MCM9: variants seen among roughly 807,000 people sequenced by gnomAD.
The protein encoded by MCM9 is DNA helicase MCM9.
In MCM9, 55 loss-of-function variants were observed where a neutral mutation model predicts 72.8. That is an observed-to-expected ratio of 0.76 (90% confidence interval 0.61 to 0.95). The LOEUF (loss-of-function observed/expected upper bound fraction) is 0.95, where lower values mean the gene tolerates loss of function less well. Ranked by LOEUF, MCM9 falls within the 40% of genes least tolerant of loss-of-function variation. The pLI is 0.00. For missense variants in MCM9, 1,279 were observed against 1,377.0 expected (o/e 0.93, Z 1.13); for synonymous variants, 480 against 503.4 (o/e 0.95, Z 0.62).
rs891549366 is a variant in MCM9, at chr6:118,935,065, C to G, written c.-324G>C. The G allele has an allele frequency of 6.6e-6, 1 of 152,074 alleles. No homozygotes were observed. Among genetic ancestry groups the G allele is most frequent in the Non-Finnish European group, 1.5e-5 (1 of 67,998 alleles). 9.4% of individuals were successfully genotyped at this position (152,074 alleles called of 1,614,324 possible). ...GCGGGGACGCGCGGGCTGTGTCGGG[C>G]GGCCTAGCGCCTGCGGCTCTGCCGG... On this transcript the variant is annotated 5_prime_UTR_variant, in exon 1 of 14. Transcript: ENST00000619706.
At chr6:118,856,581 T>C (rs762011102) in intron 8 of MCM9, 36 bp from the exon 9 acceptor site, 40 of 1,533,326 alleles carry the variant, frequency 2.6e-5, no homozygotes, top group Non-Finnish European at 4.4e-6. Context: ...ACTTTTATTT[T>C]CAAAAGCATT....
chr6:118,922,955 C>G (rs1307574376), intron 4 of MCM9, among the ~76,000 whole-genome samples: 2 of 150,288 alleles, frequency 1.3e-5, no homozygotes, highest in African/African-American at 4.9e-5. Flanking sequence ...ATGCTTGAAC[C>G]CAGGAGGTAG....
chr6:118,817,534 A>G (rs1773490253), intron 13 of MCM9, among the ~76,000 whole-genome samples: 1 of 152,172 alleles, frequency 6.6e-6, no homozygotes, highest in Admixed American at 6.5e-5. Flanking sequence ...TATCCAGTGT[A>G]TCATTGATGG....
chr6:118,843,672 A>ATACG (rs1321655061), intron 9 of MCM9, among the ~76,000 whole-genome samples: 626 of 40,464 alleles, frequency 0.015, 24 homozygotes, highest in Non-Finnish European at 0.026. Flanking sequence ...ATATATATGT[A>ATACG]TGTATATATA....
At chr6:118,873,578 C>T (rs1777751291) in intron 8 of MCM9, among the ~76,000 whole-genome samples, 2 of 152,112 alleles carry the variant, frequency 1.3e-5, no homozygotes, top group African/African-American at 4.8e-5. Flanking sequence ...AAAACTTCAA[C>T]CAGGAGAAGC....
chr6:118,894,245 T>G, intron 8 of MCM9: 4 of 1,446,612 alleles, frequency 2.8e-6, no homozygotes, highest in Non-Finnish European at 3.6e-6. Context: ...CAAAACACTG[T>G]GGAGTGCTCC....
At chr6:118,918,694 C>T (rs566140914) in intron 5 of MCM9, 6 of 152,270 alleles carry the variant, frequency 3.9e-5, no homozygotes, top group Non-Finnish European at 5.9e-5. Context: ...TGGATGTGCC[C>T]CAACCCCAAT....
intron 8 of MCM9, among the ~76,000 whole-genome samples, chr6:118,883,489 C>T (rs1778425105): frequency 6.6e-6 from 1 of 151,832 alleles, no homozygotes; most frequent in Admixed American, 6.6e-5. Context: ...AGAAGCTCAA[C>T]AAAATCCAAG....
At chr6:118,883,840 G>T (rs527945967) in intron 8 of MCM9, among the ~76,000 whole-genome samples, 1 of 152,284 alleles carries the variant, frequency 6.6e-6, no homozygotes, top group African/African-American at 2.4e-5. Flanking sequence ...ACTAAAGGAG[G>T]TTCTTTAAGC....
At chr6:118,882,830 T>C (rs980157802) in intron 8 of MCM9, among the ~76,000 whole-genome samples, 1 of 150,994 alleles carries the variant, frequency 6.6e-6, no homozygotes, top group East Asian at 1.9e-4. Flanking sequence ...CAAACAACAA[T>C]AAAAAAAAGG....
chr6:118,836,550 G>A (rs573659142), intron 9 of MCM9, among the ~76,000 whole-genome samples: 41 of 152,190 alleles, frequency 2.7e-4, no homozygotes, highest in African/African-American at 8.7e-4. Context: ...TCAGGTATTC[G>A]ACTTCTTCCT....
At chr6:118,830,337 A>T (rs1394745919) in intron 9 of MCM9, among the ~76,000 whole-genome samples, 1 of 152,206 alleles carries the variant, frequency 6.6e-6, no homozygotes, top group Non-Finnish European at 1.5e-5. Context: ...CAGCTACTTC[A>T]TTCCCTGAGG....
chr6:118,898,029 A>T (rs1305756783), intron 8 of MCM9, among the ~76,000 whole-genome samples: 1 of 152,126 alleles, frequency 6.6e-6, no homozygotes, highest in Non-Finnish European at 1.5e-5. Context: ...CCCTTATTCC[A>T]CTGCTAATTT....
chr6:118,883,574 T>G (rs1778428574), intron 8 of MCM9, among the ~76,000 whole-genome samples: 1 of 151,438 alleles, frequency 6.6e-6, no homozygotes, highest in Non-Finnish European at 1.5e-5. Flanking sequence ...AAAGAGAAAA[T>G]TTTAAATCAA....
At chr6:118,853,487 G>T (rs1186997445) in intron 9 of MCM9, among the ~76,000 whole-genome samples, 1 of 151,968 alleles carries the variant, frequency 6.6e-6, no homozygotes, top group Non-Finnish European at 1.5e-5. Flanking sequence ...TGGGGAACAG[G>T]TGGTGTTTGG....
intron 9 of MCM9, among the ~76,000 whole-genome samples, chr6:118,835,032 GT>G (rs1200302533): frequency 6.6e-6 from 1 of 152,134 alleles, no homozygotes; most frequent in East Asian, 1.9e-4. Context: ...TGTATAAGGT[GT>G]AAGGAAGGGG....
chr6:118,840,356 C>T (rs1775266811), intron 9 of MCM9, among the ~76,000 whole-genome samples: 1 of 151,954 alleles, frequency 6.6e-6, no homozygotes, highest in Non-Finnish European at 1.5e-5. Context: ...CCCTCACATA[C>T]ATGAGCAAAA....
intron 8 of MCM9, among the ~76,000 whole-genome samples, chr6:118,874,600 G>GA (rs1478323379): frequency 6.6e-6 from 1 of 152,044 alleles, no homozygotes; most frequent in African/African-American, 2.4e-5. Flanking sequence ...AATAAGATGA[G>GA]AAAAGGAACA....
chr6:118,854,176 GT>G (rs1184569292), intron 9 of MCM9, among the ~76,000 whole-genome samples: 1 of 152,094 alleles, frequency 6.6e-6, no homozygotes, highest in Non-Finnish European at 1.5e-5. Flanking sequence ...AATACAAGCA[GT>G]TTTGACTTCT....
Sources: allele counts gnomAD v4.1 joint callset (sites outside exome capture counted in the v4.1 genomes callset), GRCh38; gene constraint gnomAD v4.1.1; transcripts MANE v1.5; gene names NCBI Gene and HGNC (gene_info 2026-07-23, HGNC 2026-07-21).